Variants in UMAD1 observed in about 807,000 individuals in gnomAD.
The protein encoded by UMAD1 is UBAP1-MVB12-associated (UMA) domain containing 1.
In UMAD1, 8 loss-of-function variants were observed where a neutral mutation model predicts 6.1. That is an observed-to-expected ratio of 1.30 (90% CI 0.76 to 2.35). The LOEUF (loss-of-function observed/expected upper bound fraction) is 2.35. UMAD1 is among the 30% of genes most tolerant of loss of function. The pLI, the probability that UMAD1 is intolerant of heterozygous loss-of-function variation, is 0.00. For synonymous variants in UMAD1, 56 were observed against 31.4 expected (o/e 1.78, Z -2.61); for missense variants, 130 against 78.4 (o/e 1.66, Z -2.49).
At chr7:7,670,257 G>A in intron 1 of UMAD1, among the ~76,000 whole-genome samples, 1 of 152,144 alleles carries the variant, frequency 6.6e-6, no homozygotes, top group East Asian at 1.9e-4. Context: ...TTTCTGACTT[G>A]TGGCCAGACA....
At chr7:7,668,579 C>T (rs1267009053) in intron 1 of UMAD1, among the ~76,000 whole-genome samples, 5 of 152,126 alleles carry the variant, frequency 3.3e-5, no homozygotes, top group Non-Finnish European at 7.3e-5. Context: ...TTCTTAGAAA[C>T]TGACTTTAAG....
At chr7:7,813,467 G>C (rs1013722087) in intron 3 of UMAD1, among the ~76,000 whole-genome samples, 15 of 152,186 alleles carry the variant, frequency 9.9e-5, no homozygotes, top group African/African-American at 3.6e-4. Flanking sequence ...GCCTCCCAAA[G>C]TGCTGGGATT....
chr7:7,680,419 C>T (rs977576922), intron 2 of UMAD1, among the ~76,000 whole-genome samples: 2 of 152,032 alleles, frequency 1.3e-5, no homozygotes, highest in African/African-American at 4.8e-5. Context: ...TATGCCGGTA[C>T]TGTGCTATTT....
chr7:7,793,606 A>G (rs9784933), intron 2 of UMAD1, among the ~76,000 whole-genome samples: 2,577 of 152,268 alleles, frequency 0.017, 90 homozygotes, highest in African/African-American at 0.058. Flanking sequence ...TAGATTATCA[A>G]CTATTCTGGA....
chr7:7,764,817 G>T (rs1398355670), intron 2 of UMAD1, among the ~76,000 whole-genome samples: 5 of 152,000 alleles, frequency 3.3e-5, no homozygotes, highest in Admixed American at 2.6e-4. Flanking sequence ...CACCCTTTTT[G>T]ATCTTGGCTT....
rs1291373256 is a variant in UMAD1 at position 7,689,871 on chromosome 7, C to T, written c.82+16418C>T. 3.3e-5 allele frequency among the ~76,000 whole-genome samples: 5 copies of T among 152,118 alleles called. No homozygotes were observed. The South Asian group carries it at 8.3e-4, about 25-fold the overall frequency. On this transcript the variant is annotated intron_variant, in intron 2 of 3. Transcript: ENST00000682710. ...GGGAGACCATATTACTGCTACAAAG[C>T]AGCTAGTGATTAACAACCATAGTAA...
chr7:7,694,754 A>C (rs747740416), intron 2 of UMAD1, among the ~76,000 whole-genome samples: 5 of 152,186 alleles, frequency 3.3e-5, no homozygotes, highest in Admixed American at 2.6e-4. Context: ...TCCATTGTGC[A>C]TACGTACCAC....
chr7:7,657,568 G>T (rs1276001067), intron 1 of UMAD1, among the ~76,000 whole-genome samples: 1 of 152,140 alleles, frequency 6.6e-6, no homozygotes, highest in Non-Finnish European at 1.5e-5. Flanking sequence ...ATTACATAGG[G>T]AGTCCCTTCC....
At chr7:7,775,301 A>G (rs1186503893) in intron 2 of UMAD1, among the ~76,000 whole-genome samples, 1 of 152,206 alleles carries the variant, frequency 6.6e-6, no homozygotes, top group Non-Finnish European at 1.5e-5. Flanking sequence ...TTGAACTGTA[A>G]TCCCCATAAT....
rs1381771952 is a variant in UMAD1 at position 7,847,124 on chromosome 7, T to A, written c.157-30157T>A. ...AAAAAAATATATATATATATATATA[T>A]ATATATATATATATATATATATATA... On this transcript the variant is annotated intron_variant, in intron 3 of 3. Coordinates refer to ENST00000682710, the MANE Select transcript of UMAD1 (RefSeq NM_001302348.2). Among the ~76,000 whole-genome samples the A allele has an allele frequency of 1.9e-3, 50 of 26,604 alleles. 8 individuals are homozygous for A. The highest frequency in any genetic ancestry group is 7.5e-3 in the African/African-American group (50 of 6,644). The allele number at this position is 26,604 out of a possible 152,430, so 17.5% of individuals were successfully genotyped here. A position where few individuals can be genotyped will look rare whatever the true frequency, so the allele number is the denominator to read the frequency against.
At chr7:7,718,252 A>G (rs1302356081) in intron 2 of UMAD1, among the ~76,000 whole-genome samples, 1 of 152,170 alleles carries the variant, frequency 6.6e-6, no homozygotes, top group Non-Finnish European at 1.5e-5. Flanking sequence ...TTTGAAATAT[A>G]CTTATGTGAA....
At chr7:7,709,051 C>T (rs923645853) in intron 2 of UMAD1, among the ~76,000 whole-genome samples, 1 of 151,914 alleles carries the variant, frequency 6.6e-6, no homozygotes, top group Non-Finnish European at 1.5e-5. Context: ...ATTAAAAATA[C>T]CAATTAACTA....
At chr7:7,729,470 T>C (rs768569887) in intron 2 of UMAD1, among the ~76,000 whole-genome samples, 1 of 152,230 alleles carries the variant, frequency 6.6e-6, no homozygotes, top group Non-Finnish European at 1.5e-5. Context: ...GGTACTTGGC[T>C]TCTGTGATTA....
At chr7:7,793,034 C>T (rs77685201) in intron 2 of UMAD1, among the ~76,000 whole-genome samples, 11,116 of 152,114 alleles carry the variant, frequency 0.073, 500 homozygotes, top group African/African-American at 0.12. Context: ...TTGCAGGGAT[C>T]GGGGAGGACA....
At chr7:7,845,050 G>T (rs992608763) in intron 3 of UMAD1, among the ~76,000 whole-genome samples, 3 of 152,026 alleles carry the variant, frequency 2.0e-5, no homozygotes, top group Non-Finnish European at 4.4e-5. Flanking sequence ...CAATATGGTA[G>T]CCACAGTCAC....
intron 1 of UMAD1, among the ~76,000 whole-genome samples, chr7:7,646,480 A>ATTTTTTTTTTTTTTTTTTTTTTTTT (rs35948027): frequency 1.8e-5 from 2 of 111,360 alleles, no homozygotes; most frequent in Non-Finnish European, 3.5e-5. Flanking sequence ...CTTTCGCTGG[A>ATTTTTTTTTTTTTTTTTTTTTTTTT]TTTTTTTTTT....
chr7:7,690,515 A>G (rs1780147994), intron 2 of UMAD1, among the ~76,000 whole-genome samples: 1 of 152,156 alleles, frequency 6.6e-6, no homozygotes, highest in South Asian at 2.1e-4. Context: ...CTTTTTTATT[A>G]TAAATTGAGC....
chr7:7,730,023 C>G (rs11971408), intron 2 of UMAD1, among the ~76,000 whole-genome samples: 26,616 of 152,022 alleles, frequency 0.18, 3,270 homozygotes, highest in African/African-American at 0.36. Flanking sequence ...TATTTAGGAC[C>G]CTGCCACTTT....
At position 7,836,358 on chromosome 7, in the gene UMAD1, T is replaced by A. The variant is rs558735217; in HGVS notation, c.156+34615T>A. On this transcript the variant is annotated intron_variant, in intron 3 of 3. Transcript: ENST00000682710. ...AAAAGTCTTATGTTATAATCTTTGG[T>A]TTGCTCAAAATGATCACTCTATGGT... Among the ~76,000 whole-genome samples, 7 of 152,154 alleles carry A rather than the reference T, an allele frequency of 4.6e-5. No homozygotes were observed. In the South Asian group the frequency reaches 1.5e-3, roughly 32 times the overall value.
Sources: allele counts gnomAD v4.1 joint callset (sites outside exome capture counted in the v4.1 genomes callset), GRCh38; gene constraint gnomAD v4.1.1; transcripts MANE v1.5; gene names NCBI Gene and HGNC (gene_info 2026-07-23, HGNC 2026-07-21).